LRPPRC: variants seen among roughly 807,000 people sequenced by gnomAD.
The protein encoded by LRPPRC is leucine-rich PPR motif-containing protein, mitochondrial.
Under a neutral mutation model 180.3 loss-of-function variants are expected in LRPPRC, and 120 were observed. That is an observed-to-expected ratio of 0.67 (90% CI 0.57 to 0.77). LRPPRC has a LOEUF of 0.77. Among genes scored for constraint, LRPPRC ranks in the 30% least tolerant of loss-of-function variants. The pLI is 0.00. For synonymous variants in LRPPRC, 723 were observed against 600.0 expected (o/e 1.21, Z -3.00); for missense variants, 2,012 against 1,657.2 (o/e 1.21, Z -3.72).
At chr2:43,954,757 A>T (rs948519590) in intron 14 of LRPPRC, among the ~76,000 whole-genome samples, 2 of 152,190 alleles carry the variant, frequency 1.3e-5, no homozygotes, top group Non-Finnish European at 2.9e-5. Flanking sequence ...ATTAGAAGGA[A>T]TCTGAGTCCA....
intron 30 of LRPPRC, among the ~76,000 whole-genome samples, chr2:43,911,920 C>A (rs537676748): frequency 2.0e-5 from 3 of 152,262 alleles, no homozygotes; most frequent in South Asian, 4.2e-4. Flanking sequence ...CTTCACTCTA[C>A]CTTCTTCAAC....
Position 43,934,236 on chromosome 2 carries a change from G to C in LRPPRC, c.2690C>G (p.Ala897Gly), listed in dbSNP as rs1038861122. ...EMVMLYDLFF[A>G]FLQTGNYKEA... ...TTTGTAATTTCCTGTTTGTAGGAAG[G>C]CAAAGAAGAGATCATAGAGCATCAC... The change falls in exon 25 of 38, where the codon GCC becomes GGC. Residue 897 changes from alanine (A) to glycine (G), a missense_variant. By Grantham distance (60) the Ala-to-Gly change is moderately conservative. Transcript: ENST00000260665. 1 of 1,612,094 alleles carries C rather than the reference G, an allele frequency of 6.2e-7. No homozygotes were observed. Among genetic ancestry groups the C allele is most frequent in the Non-Finnish European group, 8.5e-7 (1 of 1,178,648 alleles).
intron 1 of LRPPRC, among the ~76,000 whole-genome samples, chr2:43,987,389 G>A (rs892867920): frequency 1.3e-5 from 2 of 150,966 alleles, no homozygotes; most frequent in Non-Finnish European, 2.9e-5. Context: ...CAGCTACTCA[G>A]GAAGCTGAGG....
intron 14 of LRPPRC, 37 bp from the exon 15 acceptor site, chr2:43,950,637 G>T (rs754713502): frequency 8.8e-5 from 136 of 1,553,150 alleles, no homozygotes; most frequent in Middle Eastern, 3.4e-4. Context: ...ATAAACCCAG[G>T]TTTATTTTCA....
At chr2:43,994,500 T>G (rs1480004813) in intron 1 of LRPPRC, among the ~76,000 whole-genome samples, 1 of 152,186 alleles carries the variant, frequency 6.6e-6, no homozygotes, top group Non-Finnish European at 1.5e-5. Flanking sequence ...ACTCCCACCT[T>G]ATAGCTAAGG....
Position 43,983,839 on chromosome 2 carries a change from G to A in LRPPRC, c.150-1405C>T, listed in dbSNP as rs1056816995. On this transcript the variant is annotated intron_variant, in intron 1 of 37. Transcript: ENST00000260665. ...GTTTCACCTCAAGTTTATATAAAACGAGGCTGTAATTGATAATAGACTAGA... is the reference window on the plus strand; with the variant it reads ...GTTTCACCTCAAGTTTATATAAAACAAGGCTGTAATTGATAATAGACTAGA... 6.6e-5 allele frequency among the ~76,000 whole-genome samples: 10 copies of A among 152,196 alleles called. No homozygotes were observed. In the East Asian group the frequency reaches 1.2e-3, roughly 18 times the overall value.
chr2:43,902,828 G>A (rs967388581), intron 31 of LRPPRC: 1 of 152,076 alleles, frequency 6.6e-6, no homozygotes, highest in African/African-American at 2.4e-5. Flanking sequence ...TCTTCCCACA[G>A]TACATCAAAA....
chr2:43,889,947 C>A, intron 36 of LRPPRC, 71 bp from the exon 37 acceptor site: 1 of 1,114,516 alleles, frequency 9.0e-7, no homozygotes, highest in South Asian at 1.3e-5. Flanking sequence ...CCAAAACAGC[C>A]ACTCAGGGAC....
chr2:43,930,206 C>T (rs1011438974), intron 25 of LRPPRC, among the ~76,000 whole-genome samples: 7 of 151,186 alleles, frequency 4.6e-5, no homozygotes, highest in African/African-American at 1.5e-4. Context: ...CCGGCTGCAC[C>T]GTGATGGAAA....
chr2:43,911,523 CTTTTT>C (rs531172761), intron 30 of LRPPRC, among the ~76,000 whole-genome samples: 1 of 92,372 alleles, frequency 1.1e-5, no homozygotes, highest in Non-Finnish European at 2.0e-5. Flanking sequence ...TCTTCTTCTT[CTTTTT>C]TTTTTTTTTT....
At chr2:43,926,792 T>C (rs1159844703) in intron 25 of LRPPRC, among the ~76,000 whole-genome samples, 2 of 152,202 alleles carry the variant, frequency 1.3e-5, no homozygotes, top group African/African-American at 2.4e-5. Flanking sequence ...TAATAAACCA[T>C]TGGCTTTCGT....
chr2:43,902,217 G>T (rs1314725816), intron 31 of LRPPRC: 1 of 152,142 alleles, frequency 6.6e-6, no homozygotes, highest in Non-Finnish European at 1.5e-5. Flanking sequence ...ATAATCAATG[G>T]AGTTTTGTTT....
intron 25 of LRPPRC, among the ~76,000 whole-genome samples, chr2:43,929,318 C>T (rs1572932530): frequency 6.6e-6 from 1 of 152,256 alleles, no homozygotes; most frequent in East Asian, 1.9e-4. Flanking sequence ...ATTTTATGTA[C>T]TTCGTTACTT....
chr2:43,921,320 T>C (rs913133924), intron 27 of LRPPRC, among the ~76,000 whole-genome samples: 3 of 152,074 alleles, frequency 2.0e-5, no homozygotes, highest in African/African-American at 7.2e-5. Context: ...CACAAATACA[T>C]GTTAAGAACC....
chr2:43,943,340 AAT>A (rs1672554025), intron 23 of LRPPRC, among the ~76,000 whole-genome samples: 1 of 152,094 alleles, frequency 6.6e-6, no homozygotes, highest in African/African-American at 2.4e-5. Context: ...TTATTACCTG[AAT>A]AACTGTCAAG....
chr2:43,928,759 C>T (rs1019220273), intron 25 of LRPPRC, among the ~76,000 whole-genome samples: 2 of 151,724 alleles, frequency 1.3e-5, no homozygotes, highest in Non-Finnish European at 2.9e-5. Flanking sequence ...GTGACCCCAT[C>T]TCTTAAAAAA....
chr2:43,995,993 A>C (rs749078481), upstream of LRPPRC: 42 of 1,519,064 alleles, frequency 2.8e-5, no homozygotes, highest in Non-Finnish European at 3.4e-5. Flanking sequence ...CCAGAAGGAC[A>C]GGAGGAGCAT....
intron 25 of LRPPRC, among the ~76,000 whole-genome samples, chr2:43,927,677 G>C (rs1391347334): frequency 6.6e-6 from 1 of 152,146 alleles, no homozygotes; most frequent in African/African-American, 2.4e-5. Flanking sequence ...CAATATTACT[G>C]CTGATCCAAA....
At chr2:43,950,506 C>T in intron 15 of LRPPRC, 67 bp downstream of exon 15, 1 of 1,343,044 alleles carries the variant, frequency 7.4e-7, no homozygotes, top group Non-Finnish European at 1.1e-6. Context: ...AAAATTATTA[C>T]ATAACCTATG....
Sources: allele counts gnomAD v4.1 joint callset (sites outside exome capture counted in the v4.1 genomes callset), GRCh38; gene constraint gnomAD v4.1.1; transcripts MANE v1.5; gene names NCBI Gene and HGNC (gene_info 2026-07-23, HGNC 2026-07-21).